Variants in PADI4 observed in about 807,000 individuals in gnomAD.
PADI4 encodes peptidyl arginine deiminase 4.
PADI4 carries 62 observed loss-of-function variants against 75.0 expected under a neutral mutation model. The observed-to-expected ratio is 0.83, with a 90% CI of 0.67 to 1.02. The LOEUF is 1.02. Among genes scored for constraint, PADI4 ranks in the 50% least tolerant of loss-of-function variants. The probability of loss-of-function intolerance (pLI) is 0.00; values close to 1 mark genes in which losing one functional copy is unlikely to be tolerated. For missense variants in PADI4, 845 were observed against 850.5 expected, an observed-to-expected ratio of 0.99 and a Z score of 0.08; for synonymous variants, 361 against 348.1, an observed-to-expected ratio of 1.04 and a Z score of -0.41.
rs184441415 is a variant in PADI4, at chr1:17,363,743, C to T, written c.1980C>T (p.Asn660=). ...AGCCCTTCTCCTTCAAGTGGTGGAA[C>T]ATGGTGCCCTGAGCCCATCTTCCCT... is the stretch of plus-strand genomic sequence containing the variant. ...RRKPFSFKWW[N]MVP is the part of the protein sequence containing the mutation. The change falls in exon 16 of 16, where the codon AAC becomes AAT. Residue 660 remains asparagine (N), a synonymous_variant. Coordinates refer to ENST00000375448, the MANE Select transcript of PADI4 (RefSeq NM_012387.3). The T allele has an allele frequency of 1.7e-5, 27 of 1,611,414 alleles. No individual in the cohort carries two copies. In the African/African-American group the frequency reaches 2.9e-4, roughly 18 times the overall value.
Position 17,356,128 on chromosome 1 carries a change from G to T in PADI4, c.1455+1G>T, listed in dbSNP as rs1417512818. ...CTTTGTGCCAGCACCCGACAGGAAG[G>T]TACAGTCTTGGGGGCTGCCTCAGGA... On this transcript the variant is annotated splice_donor_variant, in intron 12 of 15. Coordinates refer to ENST00000375448, the MANE Select transcript of PADI4 (RefSeq NM_012387.3). LOFTEE classifies it high-confidence loss of function. The surrounding 1 kb of genome is among the most constrained non-coding windows in gnomAD (Gnocchi z 4.1). 4 of 1,614,132 alleles carry T rather than the reference G, an allele frequency of 2.5e-6. No homozygotes were observed. Among genetic ancestry groups the T allele is most frequent in the Non-Finnish European group, 3.4e-6 (4 of 1,180,006 alleles).
chr1:17,335,445 G>A (rs867886941), intron 3 of PADI4, among the ~76,000 whole-genome samples: 17 of 152,186 alleles, frequency 1.1e-4, no homozygotes, highest in African/African-American at 3.1e-4. Flanking sequence ...GCCACGAAAG[G>A]ACAATGCTTC....
At chr1:17,311,548 A>G (rs2073828939) in intron 1 of PADI4, among the ~76,000 whole-genome samples, 1 of 147,092 alleles carries the variant, frequency 6.8e-6, no homozygotes, top group Admixed American at 6.7e-5. Context: ...TTAAAAACGG[A>G]GTCTCGCTCT....
At chr1:17,337,692 T>A (rs1193750767) in intron 4 of PADI4, among the ~76,000 whole-genome samples, 2 of 151,812 alleles carry the variant, frequency 1.3e-5, no homozygotes, top group Non-Finnish European at 2.9e-5. Flanking sequence ...CCGAGGAGGA[T>A]GGATCATGAG....
rs1450291381 is a variant in PADI4, at chr1:17,363,827, G to A, written c.*72G>A. The A allele has an allele frequency of 4.5e-6, 5 of 1,106,672 alleles. No individual in the cohort carries two copies. In the Admixed American group the frequency reaches 7.7e-5, roughly 17 times the overall value. The allele number at this position is 1,106,672 out of a possible 1,614,324, so 68.6% of individuals were successfully genotyped here. ...GTCCTCTGCAGTGTGGCAAGCAAGA[G>A]CTCTTGTGAATATTGTGGCTCCCTG... On this transcript the variant is annotated 3_prime_UTR_variant, in exon 16 of 16. Transcript: ENST00000375448.
rs138003021 is a variant in PADI4 at position 17,350,412 on chromosome 1, C to T, written c.1155+2364C>T. ...CATCTCTGAGCTCGAGGTCAGCTCT[C>T]TGCTGGTTAAAATGAGGGATTAGCA... is the stretch of plus-strand genomic sequence containing the variant. On this transcript the variant is annotated intron_variant, in intron 10 of 15. Coordinates refer to ENST00000375448, the MANE Select transcript of PADI4 (RefSeq NM_012387.3). 3.4e-3 allele frequency among the ~76,000 whole-genome samples: 449 copies of T among 131,382 alleles called. 36 individuals carry two copies. Among genetic ancestry groups the T allele is most frequent in the African/African-American group, 0.011 (428 of 40,444 alleles). The allele number at this position is 131,382 out of a possible 152,430, so 86.2% of individuals were successfully genotyped here.
chr1:17,323,868 C>A (rs1191918831), intron 1 of PADI4, among the ~76,000 whole-genome samples: 3 of 138,248 alleles, frequency 2.2e-5, no homozygotes, highest in Non-Finnish European at 4.8e-5. Context: ...ACAAAAAAAA[C>A]ACAAACAAAC....
At chr1:17,342,876 G>A (rs1458931444) in intron 8 of PADI4, among the ~76,000 whole-genome samples, 4 of 152,196 alleles carry the variant, frequency 2.6e-5, no homozygotes, top group Admixed American at 6.5e-5. Context: ...TCAGGAGGCC[G>A]AGGCACGAGA....
intron 10 of PADI4, 116 bp downstream of exon 10, chr1:17,348,164 A>C: frequency 1.7e-6 from 1 of 588,200 alleles, no homozygotes; most frequent in Non-Finnish European, 3.1e-6. Context: ...CAGTGCAAGG[A>C]GGTGGAATTC....
At chr1:17,340,484 A>C (rs1216910285) in intron 6 of PADI4, among the ~76,000 whole-genome samples, 1 of 152,130 alleles carries the variant, frequency 6.6e-6, no homozygotes, top group Non-Finnish European at 1.5e-5. Context: ...GAACAGCCAG[A>C]CAGACACCTA....
rs575630557 is a variant in PADI4 at position 17,334,000 on chromosome 1, A to T, written c.331A>T (p.Thr111Ser). 5 of 1,604,166 alleles carry T rather than the reference A, an allele frequency of 3.1e-6. No homozygotes were observed. The East Asian group carries it at 1.1e-4, about 36-fold the overall frequency. Residue 111 changes from threonine (T) to serine (S), a missense_variant, in exon 3 of 16, where the codon ACC becomes TCC. Thr to Ser is a moderately conservative substitution (Grantham distance 58). Transcript: ENST00000375448. ...TPPVKALLYL[T>S]GVEISLCADI... ...ACCAGTCAAAGCTCTACTCTACCTC[A>T]CCGGGGTGGGTAAGTGACAACCAGG... is the stretch of plus-strand genomic sequence containing the variant.
chr1:17,316,249 C>G (rs2073930885), intron 1 of PADI4, among the ~76,000 whole-genome samples: 1 of 151,414 alleles, frequency 6.6e-6, no homozygotes, highest in Non-Finnish European at 1.5e-5. Flanking sequence ...CAAAAATTAG[C>G]TGGGCATGGT....
intron 1 of PADI4, among the ~76,000 whole-genome samples, chr1:17,325,209 G>C (rs11203361): frequency 0.56 from 84,668 of 151,814 alleles, 23,764 homozygotes; most frequent in East Asian, 0.59. Context: ...CGGCAACAAG[G>C]CTTCCTAACC....
chr1:17,341,732 A>G (rs2074421790), intron 6 of PADI4, among the ~76,000 whole-genome samples: 1 of 152,208 alleles, frequency 6.6e-6, no homozygotes. Flanking sequence ...CACCCCTGCC[A>G]CACCCTTCTG....
chr1:17,341,843 G>A lies in PADI4; in HGVS notation c.653-100G>A, dbSNP rs556986153. The A allele has an allele frequency of 3.6e-6, 3 of 841,770 alleles. No individual in the cohort carries two copies. In the South Asian group the frequency reaches 5.0e-5, roughly 14 times the overall value. 52.1% of individuals were successfully genotyped at this position (841,770 alleles called of 1,614,324 possible). On this transcript the variant is annotated intron_variant, in intron 6 of 15. Coordinates refer to ENST00000375448, the MANE Select transcript of PADI4 (RefSeq NM_012387.3). ...GCAAGGGGTTCTCTGATGGTGCCAT[G>A]TGGTGACCCTGGGAAAGGCTTCTGG...
chr1:17,328,101 G>A (rs2074144537), intron 1 of PADI4, among the ~76,000 whole-genome samples: 1 of 151,988 alleles, frequency 6.6e-6, no homozygotes, highest in Admixed American at 6.6e-5. Flanking sequence ...ATGGCTCACT[G>A]CATCCTTGAC....
chr1:17,342,538 A>G (rs1040012827), intron 8 of PADI4, 136 bp downstream of exon 8: 30 of 627,056 alleles, frequency 4.8e-5, no homozygotes, highest in Middle Eastern at 3.3e-4. Context: ...TGGGGGCTCT[A>G]AAAAGGCAGG....
intron 14 of PADI4, 97 bp from the exon 15 acceptor site, chr1:17,359,183 C>G: frequency 1.1e-6 from 1 of 911,114 alleles, no homozygotes; most frequent in Non-Finnish European, 1.7e-6. Flanking sequence ...GTCCCAGGTC[C>G]TACCCTCCGG....
intron 4 of PADI4, among the ~76,000 whole-genome samples, chr1:17,336,929 G>T (rs1490637873): frequency 3.3e-5 from 5 of 152,200 alleles, no homozygotes; most frequent in Non-Finnish European, 7.3e-5. Flanking sequence ...TCCCGCGAAG[G>T]GAGGCGCCAT....
Sources: gnomAD v4.1 joint callset for allele counts (sites outside exome capture counted in the v4.1 genomes callset) on GRCh38, gnomAD v4.1.1 for gene constraint, Gnocchi (gnomAD v3.1) non-coding constraint, MANE v1.5 for transcripts, NCBI Gene and HGNC (gene_info 2026-07-23, HGNC 2026-07-21) for gene names.